NUMA1: variants seen among roughly 807,000 people sequenced by gnomAD.
NUMA1 encodes nuclear mitotic apparatus protein 1.
In NUMA1, 62 loss-of-function variants were observed where a neutral mutation model predicts 237.1. The observed-to-expected ratio is 0.26, with a 90% CI of 0.21 to 0.32. The LOEUF (loss-of-function observed/expected upper bound fraction) is 0.32, where lower values mean the gene tolerates loss of function less well. Ranked by LOEUF, NUMA1 falls within the 10% of genes least tolerant of loss-of-function variation. The probability of loss-of-function intolerance (pLI) is 1.00; values close to 1 mark genes in which losing one functional copy is unlikely to be tolerated. For missense variants in NUMA1, 2,533 were observed against 2,666.5 expected, an observed-to-expected ratio of 0.95 and a Z score of 1.10; for synonymous variants, 1,028 against 1,066.1, an observed-to-expected ratio of 0.96 and a Z score of 0.70.
Position 72,007,248 on chromosome 11 carries a change from G to T in NUMA1, c.5404C>A (p.Arg1802Ser). The T allele has an allele frequency of 6.2e-7, 1 of 1,612,982 alleles. No individual in the cohort carries two copies. The highest frequency in any genetic ancestry group is 1.1e-5 in the South Asian group (1 of 90,990). The change falls in exon 21 of 27, where the codon CGT becomes AGT. Residue 1802 changes from arginine (R) to serine (S), a missense_variant. Physicochemically the swap from Arg to Ser is moderately radical, Grantham distance 110. This residue lies in a region of NUMA1 where 795 missense variants were observed against 750.8 expected (regional missense o/e 1.06). Transcript: ENST00000393695. ...SLGDVFLDSG[R>S]KTRSARRRTT... is the part of the protein sequence containing the mutation. ...CGCCGACGAGCGGAGCGGGTCTTAC[G>T]ACCCGAGTCCAGGAAGACGTCTCCC...
chr11:72,039,605 G>A (rs1244554823), intron 2 of NUMA1: 1 of 152,180 alleles, frequency 6.6e-6, no homozygotes, highest in East Asian at 1.9e-4. Flanking sequence ...CCACCTCAAA[G>A]GGTCCTTCCC....
rs1294789919 is a variant in NUMA1, at chr11:72,019,063, G to A, written c.585-83C>T. ...CAACAGGCAGCAGTAAGGGAGCGGGGTCTATGGAAGTGCGCACTAGCAGCT... is the reference window on the plus strand; with the variant it reads ...CAACAGGCAGCAGTAAGGGAGCGGGATCTATGGAAGTGCGCACTAGCAGCT... On this transcript the variant is annotated intron_variant, in intron 9 of 26. Coordinates refer to ENST00000393695, the MANE Select transcript of NUMA1 (RefSeq NM_006185.4). 15 of 1,485,566 alleles carry A rather than the reference G, an allele frequency of 1.0e-5. 1 individual carries two copies. The South Asian group carries it at 1.8e-4, about 18-fold the overall frequency. The allele number at this position is 1,485,566 out of a possible 1,614,324, so 92.0% of individuals were successfully genotyped here. A position where few individuals can be genotyped will look rare whatever the true frequency, so the allele number is the denominator to read the frequency against.
At chr11:72,079,090 G>A (rs1943866520) in intron 1 of NUMA1, among the ~76,000 whole-genome samples, 1 of 152,152 alleles carries the variant, frequency 6.6e-6, no homozygotes, top group Non-Finnish European at 1.5e-5. Flanking sequence ...AATGAAAACG[G>A]GAAAGCGAAA....
rs750257826 is a variant in NUMA1, at chr11:72,014,732, C to T, written c.2771G>A (p.Arg924His). ...KEVARLETLV[R>H]KAGEQQETAS... is the part of the protein sequence containing the mutation. Reference sequence around the variant, plus strand: ...TGTTTCCTGCTGCTCACCTGCCTTGCGCACCAAGGTCTCCAAGCGGGCCAC... The same window carrying T: ...TGTTTCCTGCTGCTCACCTGCCTTGTGCACCAAGGTCTCCAAGCGGGCCAC... The change falls in exon 15 of 27, where the codon CGC becomes CAC. Residue 924 changes from arginine (R) to histidine (H), a missense_variant. Coordinates refer to ENST00000393695, the MANE Select transcript of NUMA1 (RefSeq NM_006185.4). This position sits in a 1 kb window ranked among gnomAD's most constrained non-coding sequence, Gnocchi z 4.6. The T allele has an allele frequency of 6.2e-6, 10 of 1,613,966 alleles. No homozygotes were observed. The highest frequency in any genetic ancestry group is 1.6e-4 in the Middle Eastern group (1 of 6,084).
chr11:72,005,817 C>T (rs752054350), intron 22 of NUMA1: 22 of 570,304 alleles, frequency 3.9e-5, no homozygotes, highest in Non-Finnish European at 5.9e-5. Flanking sequence ...CTGGGAATCC[C>T]GGGCCCTTAA....
At chr11:72,065,187 G>C (rs897373978) in intron 2 of NUMA1, 2 of 151,892 alleles carry the variant, frequency 1.3e-5, no homozygotes, top group Non-Finnish European at 2.9e-5. Flanking sequence ...CAAAAACGTA[G>C]ACAAAAACTT....
At position 72,015,293 on chromosome 11, in the gene NUMA1, G is replaced by C. The variant is rs758862669; in HGVS notation, c.2210C>G (p.Ser737Cys). ...GCTTCGGGTCTCTGCCTTCAGCTCA[G>C]AGATACAACGCTGCTGCTCTTCCAG... ...DALEEQQRCISELKAETRSLV... is the reference protein window; with the variant it reads ...DALEEQQRCICELKAETRSLV... Residue 737 changes from serine (S) to cysteine (C), a missense_variant, in exon 15 of 27, where the codon TCT (serine) becomes TGT (cysteine). Ser to Cys is a moderately radical substitution (Grantham distance 112, BLOSUM62 -1). Around this residue, in one of 3 missense-constraint regions of NUMA1, gnomAD observed 1,414 missense variants for 1,508.1 expected, o/e 0.94. Transcript: ENST00000393695. This position sits in a 1 kb window ranked among gnomAD's most constrained non-coding sequence, Gnocchi z 4.0. 3 of 1,613,480 alleles carry C rather than the reference G, an allele frequency of 1.9e-6. No individual in the cohort carries two copies. In the African/African-American group the frequency reaches 4.0e-5, roughly 22 times the overall value.
chr11:72,004,965 C>T lies in NUMA1; in HGVS notation c.5830-149G>A, dbSNP rs1955588551. 5 of 870,966 alleles carry T rather than the reference C, an allele frequency of 5.7e-6. No homozygotes were observed. The South Asian group carries it at 7.4e-5, about 13-fold the overall frequency. The allele number at this position is 870,966 out of a possible 1,614,324, so 54.0% of individuals were successfully genotyped here. On this transcript the variant is annotated intron_variant, in intron 23 of 26. Transcript: ENST00000393695. ...GTAGAAAGACACAAGGCCTCCTTTC[C>T]TGTTCTGCTTTCTACCTAAGCCCTG... is the stretch of plus-strand genomic sequence containing the variant.
At chr11:72,071,225 CCTT>C (rs1324131188) in intron 1 of NUMA1, among the ~76,000 whole-genome samples, 2 of 152,200 alleles carry the variant, frequency 1.3e-5, no homozygotes, top group African/African-American at 4.8e-5. Context: ...CTACTGAATT[CCTT>C]CTTCTGTAAA....
rs1267405514 is a variant in NUMA1 at position 72,016,131 on chromosome 11, C to T, written c.1372G>A (p.Glu458Lys). ...CTAGACAGCTGCTGCTTTTCTTCTT[C>T]GAAGTGGCCCCGCTCAGCAAGCAGC... ...AKLLAERGHF[E>K]EEKQQLSSLI... Residue 458 changes from glutamate to lysine, a missense_variant, in exon 15 of 27, where the codon GAA becomes AAA. This residue lies in a region of NUMA1 where 1,414 missense variants were observed against 1,508.1 expected (regional missense o/e 0.94). Transcript: ENST00000393695. 4 of 1,613,966 alleles carry T rather than the reference C, an allele frequency of 2.5e-6. No homozygotes were observed. Among genetic ancestry groups the T allele is most frequent in the South Asian group, 1.1e-5 (1 of 91,086 alleles).
At chr11:72,017,873 A>G in intron 12 of NUMA1, 46 bp from the exon 13 acceptor site, 1 of 1,514,112 alleles carries the variant, frequency 6.6e-7, no homozygotes, top group Non-Finnish European at 9.0e-7. Flanking sequence ...GTCAACGCTG[A>G]CCCCACCACT....
At chr11:72,016,356 A>C in intron 14 of NUMA1, 52 bp downstream of exon 14, 3 of 1,604,906 alleles carry the variant, frequency 1.9e-6, no homozygotes, top group Non-Finnish European at 2.6e-6. Context: ...AAATGTACTG[A>C]ATGTGAGTCC....
In NUMA1 at chr11:72,014,268, C is replaced by T. The variant is rs764574642; in HGVS notation, c.3235G>A (p.Glu1079Lys). ...ACGGTTTGCCGAAGTTCCTCCAGCT[C>T]TTTTATCTGGGCTGCCTCCAGACCA... ...LRGLEAAQIK[E>K]LEELRQTVKQ... is the part of the protein sequence containing the mutation. The change falls in exon 15 of 27, where the codon GAG becomes AAG. Residue 1079 changes from glutamate to lysine, a missense_variant. Physicochemically the swap from Glu to Lys is moderately conservative, Grantham distance 56. This residue lies in a region of NUMA1 where 1,414 missense variants were observed against 1,508.1 expected (regional missense o/e 0.94). Transcript: ENST00000393695. The surrounding 1 kb of genome is among the most constrained non-coding windows in gnomAD (Gnocchi z 4.6). 1.9e-5 allele frequency: 30 copies of T among 1,613,850 alleles called. No homozygotes were observed. In the East Asian group the frequency reaches 5.8e-4, roughly 31 times the overall value.
At position 72,003,501 on chromosome 11, in the gene NUMA1, T is replaced by TGGG. The variant is rs1294466502; in HGVS notation, c.*23_*25dup. 1.2e-6 allele frequency: 2 copies of TGGG among 1,611,686 alleles called. No homozygotes were observed. The highest frequency in any genetic ancestry group is 1.7e-6 in the Non-Finnish European group (2 of 1,177,792). ...GTGAGGTCAGCATCGGGGACACAGGTGGGGCCACTCACTGGTACTGGCCCT... is the reference window on the plus strand; with the variant it reads ...GTGAGGTCAGCATCGGGGACACAGGTGGGGGGGCCACTCACTGGTACTGGCCCT... On this transcript the variant is annotated 3_prime_UTR_variant, in exon 27 of 27. Transcript: ENST00000393695.
intron 16 of NUMA1, among the ~76,000 whole-genome samples, chr11:72,012,048 G>A (rs896185217): frequency 1.3e-5 from 2 of 152,186 alleles, no homozygotes; most frequent in African/African-American, 2.4e-5. Flanking sequence ...CCTCTTAGTC[G>A]GGTATCCTTA....
At chr11:72,075,648 TTATTA>T (rs1191984914) in intron 1 of NUMA1, among the ~76,000 whole-genome samples, 1 of 152,214 alleles carries the variant, frequency 6.6e-6, no homozygotes, top group African/African-American at 2.4e-5. Flanking sequence ...CTTTATGCAG[TTATTA>T]TATTGAAGTT....
intron 13 of NUMA1, 152 bp downstream of exon 13, chr11:72,017,535 C>T (rs1382066523): frequency 2.1e-6 from 2 of 950,978 alleles, no homozygotes; most frequent in Non-Finnish European, 3.4e-6. Context: ...GTGTACTAGA[C>T]TGAAGCCCAC....
At chr11:72,050,961 C>T (rs745614136) in intron 2 of NUMA1, 3 of 147,366 alleles carry the variant, frequency 2.0e-5, no homozygotes, top group Non-Finnish European at 4.4e-5. Flanking sequence ...AATCATAGCT[C>T]GCTGCAACCT....
At chr11:72,030,553 TACA>T (rs1940169865) in intron 3 of NUMA1, among the ~76,000 whole-genome samples, 2 of 152,180 alleles carry the variant, frequency 1.3e-5, no homozygotes, top group African/African-American at 4.8e-5. Context: ...TCAATAAGTA[TACA>T]TGGTCAACCT....
Sources: allele counts gnomAD v4.1 joint callset (sites outside exome capture counted in the v4.1 genomes callset), GRCh38; gene constraint gnomAD v4.1.1; regional missense constraint gnomAD v4.1.1; non-coding constraint Gnocchi (gnomAD v3.1); transcripts MANE v1.5; gene names NCBI Gene and HGNC (gene_info 2026-07-23, HGNC 2026-07-21).